Variants in FHIT observed in about 807,000 individuals in gnomAD.
FHIT encodes fragile histidine triad diadenosine triphosphatase, also known as bis(5'-adenosyl)-triphosphatase.
Under a neutral mutation model 17.9 loss-of-function variants are expected in FHIT, and 19 were observed. The ratio of observed to expected loss-of-function variants is 1.06; its 90% CI spans 0.74 to 1.56. The LOEUF is 1.56. FHIT is among the 40% of genes most tolerant of loss of function. The pLI is 0.00. For synonymous variants in FHIT, 81 were observed against 69.7 expected (o/e 1.16, Z -0.81); for missense variants, 248 against 189.2 (o/e 1.31, Z -1.82).
rs555258490 is a variant in FHIT, at chr3:60,832,609, C to A, written c.-110-10598G>T. Among the ~76,000 whole-genome samples, 322 of 151,904 alleles carry A rather than the reference C, an allele frequency of 2.1e-3. 1 individual carries two copies. The highest frequency in any genetic ancestry group is 6.8e-3 in the Middle Eastern group (2 of 294). On this transcript the variant is annotated intron_variant, in intron 3 of 9. Coordinates refer to ENST00000492590, the MANE Select transcript of FHIT (RefSeq NM_002012.4). ...AGATACATCAGGTATGTCAGACATA[C>A]GTGGTCACAACTATTTTTTCTCCTT...
intron 3 of FHIT, among the ~76,000 whole-genome samples, chr3:61,037,995 T>C (rs1235943826): frequency 2.0e-5 from 3 of 152,234 alleles, no homozygotes; most frequent in Non-Finnish European, 4.4e-5. Context: ...GGGAAAGTTC[T>C]TTACAGAAAA....
intron 5 of FHIT, among the ~76,000 whole-genome samples, chr3:60,091,772 G>A (rs1022740009): frequency 6.6e-6 from 1 of 152,014 alleles, no homozygotes; most frequent in African/African-American, 2.4e-5. Flanking sequence ...TTCTTCTCCT[G>A]CTCCCACCAC....
intron 3 of FHIT, among the ~76,000 whole-genome samples, chr3:61,018,066 G>A (rs1371103785): frequency 6.6e-6 from 1 of 152,110 alleles, no homozygotes; most frequent in African/African-American, 2.4e-5. Context: ...CTATGTGCCA[G>A]GTACTATATA....
chr3:59,905,771 A>T (rs1704559086), intron 8 of FHIT, among the ~76,000 whole-genome samples: 1 of 152,232 alleles, frequency 6.6e-6, no homozygotes, highest in Admixed American at 6.5e-5. Context: ...TCCTCCTGTG[A>T]CAGAAGAACA....
rs1322696834 is a variant in FHIT at position 60,131,052 on chromosome 3, T to TAC, written c.104-116902_104-116901dup. ...ACATATGTGTATATATACACATATA[T>TAC]ACATACATACACATGTATGTATGTA... On this transcript the variant is annotated intron_variant, in intron 5 of 9. Transcript: ENST00000492590. Among the ~76,000 whole-genome samples, 100 of 72,558 alleles carry TAC rather than the reference T, an allele frequency of 1.4e-3. 5 individuals are homozygous for TAC. Among genetic ancestry groups the TAC allele is most frequent in the African/African-American group, 9.0e-3 (90 of 9,956 alleles). The allele number at this position is 72,558 out of a possible 152,430, so 47.6% of individuals were successfully genotyped here.
intron 4 of FHIT, among the ~76,000 whole-genome samples, chr3:60,678,301 A>C (rs1354071795): frequency 6.6e-6 from 1 of 152,130 alleles, no homozygotes; most frequent in Non-Finnish European, 1.5e-5. Context: ...CTTCTCATAA[A>C]AGCTACTAAT....
chr3:60,588,261 C>G (rs537581392), intron 4 of FHIT, among the ~76,000 whole-genome samples: 1 of 152,114 alleles, frequency 6.6e-6, no homozygotes, highest in East Asian at 1.9e-4. Flanking sequence ...CTCCCTATAT[C>G]CACTAAAGAT....
At chr3:60,341,192 G>T (rs1710500903) in intron 5 of FHIT, among the ~76,000 whole-genome samples, 1 of 151,986 alleles carries the variant, frequency 6.6e-6, no homozygotes, top group African/African-American at 2.4e-5. Flanking sequence ...CCACCGTGGG[G>T]GTGTGTTGTT....
At chr3:61,014,376 G>A (rs2031961504) in intron 3 of FHIT, among the ~76,000 whole-genome samples, 2 of 152,218 alleles carry the variant, frequency 1.3e-5, no homozygotes, top group South Asian at 2.1e-4. Context: ...GGTGTGAAAG[G>A]AGAGATGGAG....
chr3:60,268,082 A>G (rs886845557), intron 5 of FHIT, among the ~76,000 whole-genome samples: 1 of 152,176 alleles, frequency 6.6e-6, no homozygotes, highest in Non-Finnish European at 1.5e-5. Flanking sequence ...GATATCATTC[A>G]TAGAACCTCA....
At chr3:61,241,597 C>T (rs924157034) in intron 1 of FHIT, among the ~76,000 whole-genome samples, 2 of 152,140 alleles carry the variant, frequency 1.3e-5, no homozygotes, top group African/African-American at 4.8e-5. Context: ...AGTACTGATA[C>T]TTCAACATTA....
chr3:60,097,361 A>T (rs543969336), intron 5 of FHIT, among the ~76,000 whole-genome samples: 1 of 152,258 alleles, frequency 6.6e-6, no homozygotes, highest in South Asian at 2.1e-4. Flanking sequence ...AGCCCAGGGT[A>T]GTGCTACAAA....
intron 5 of FHIT, among the ~76,000 whole-genome samples, chr3:60,135,691 A>C (rs1355615193): frequency 6.6e-6 from 1 of 152,168 alleles, no homozygotes; most frequent in African/African-American, 2.4e-5. Context: ...CAGAGGTCTC[A>C]GCAGCAGGAG....
intron 3 of FHIT, among the ~76,000 whole-genome samples, chr3:60,824,314 G>A (rs1274630769): frequency 5.3e-5 from 8 of 152,160 alleles, no homozygotes; most frequent in Non-Finnish European, 1.0e-4. Context: ...TAGATTGCAG[G>A]TAGAGATACG....
At chr3:60,631,608 T>G (rs2107773597) in intron 4 of FHIT, among the ~76,000 whole-genome samples, 1 of 152,222 alleles carries the variant, frequency 6.6e-6, no homozygotes, top group South Asian at 2.1e-4. Flanking sequence ...GGAGATAACT[T>G]TATGAAAAAT....
chr3:61,053,698 T>C (rs565047347), intron 2 of FHIT, among the ~76,000 whole-genome samples: 2 of 150,514 alleles, frequency 1.3e-5, no homozygotes, highest in South Asian at 2.1e-4. Context: ...TTCAAGTTAA[T>C]TTTTTTTAAG....
intron 2 of FHIT, among the ~76,000 whole-genome samples, chr3:61,134,722 A>C (rs2036863948): frequency 1.3e-5 from 2 of 152,078 alleles, no homozygotes; most frequent in Admixed American, 1.3e-4. Context: ...GGGTGTAAAA[A>C]GGGAAGAGCA....
intron 4 of FHIT, among the ~76,000 whole-genome samples, chr3:60,748,229 C>CA (rs1188723887): frequency 6.6e-6 from 1 of 151,964 alleles, no homozygotes; most frequent in African/African-American, 2.4e-5. Flanking sequence ...CTGTTGGGGA[C>CA]AAAAAAACTT....
intron 5 of FHIT, among the ~76,000 whole-genome samples, chr3:60,323,008 C>T (rs114456946): frequency 2.6e-5 from 4 of 152,176 alleles, no homozygotes; most frequent in African/African-American, 2.4e-5. Context: ...GTAAGATTCA[C>T]TATTTAGGTA....
Sources: allele counts gnomAD v4.1 joint callset (sites outside exome capture counted in the v4.1 genomes callset), GRCh38; gene constraint gnomAD v4.1.1; transcripts MANE v1.5; gene names NCBI Gene and HGNC (gene_info 2026-07-23, HGNC 2026-07-21).